Variants in SORCS1 observed in about 807,000 individuals in gnomAD.
SORCS1 encodes VPS10 domain-containing receptor SorCS1.
A neutral mutation model predicts 146.1 loss-of-function variants in SORCS1; 60 were observed. The observed-to-expected ratio is 0.41, with a 90% CI of 0.33 to 0.51. SORCS1 has a LOEUF of 0.51. Among genes scored for constraint, SORCS1 ranks in the 20% least tolerant of loss-of-function variants. The probability of loss-of-function intolerance (pLI) is 0.21; values close to 1 mark genes in which losing one functional copy is unlikely to be tolerated. For synonymous variants in SORCS1, 637 were observed against 584.0 expected, an observed-to-expected ratio of 1.09 and a Z score of -1.31; for missense variants, 1,352 against 1,487.6, an observed-to-expected ratio of 0.91 and a Z score of 1.50.
chr10:106,802,989 A>G (rs903826847), intron 3 of SORCS1, among the ~76,000 whole-genome samples: 1 of 152,200 alleles, frequency 6.6e-6, no homozygotes, highest in Non-Finnish European at 1.5e-5. Flanking sequence ...AAATTATGAC[A>G]GAAAGGAAAG....
At chr10:106,841,196 G>A (rs929413128) in intron 2 of SORCS1, among the ~76,000 whole-genome samples, 1 of 152,122 alleles carries the variant, frequency 6.6e-6, no homozygotes, top group Admixed American at 6.6e-5. Context: ...GTGGCCAGGT[G>A]CAGTGGCTCA....
intron 8 of SORCS1, among the ~76,000 whole-genome samples, chr10:106,701,095 A>G (rs1361651326): frequency 3.3e-5 from 5 of 152,236 alleles, no homozygotes; most frequent in Admixed American, 2.6e-4. Context: ...TGTACACTTC[A>G]GATCATCTCT....
intron 2 of SORCS1, among the ~76,000 whole-genome samples, chr10:106,907,349 C>T (rs187034268): frequency 9.2e-5 from 14 of 151,996 alleles, no homozygotes; most frequent in South Asian, 2.1e-4. Flanking sequence ...CATGAAAATA[C>T]GATTAGTACA....
intron 6 of SORCS1, among the ~76,000 whole-genome samples, chr10:106,723,988 T>A (rs904056248): frequency 1.3e-5 from 2 of 152,194 alleles, no homozygotes; most frequent in Admixed American, 1.3e-4. Flanking sequence ...ATGTACTTTT[T>A]AAATTAATAT....
the SORCS1 span, among the ~76,000 whole-genome samples, chr10:107,178,868 C>T: frequency 4.1e-4 from 63 of 152,114 alleles, no homozygotes; most frequent in South Asian, 8.3e-4. Context: ...CACTCATTGA[C>T]GGACACTTAA....
At chr10:106,973,683 C>T (rs1469313502) in intron 1 of SORCS1, among the ~76,000 whole-genome samples, 1 of 152,064 alleles carries the variant, frequency 6.6e-6, no homozygotes, top group African/African-American at 2.4e-5. Flanking sequence ...ATTTTTTTCC[C>T]CCTTAAATCG....
intron 3 of SORCS1, among the ~76,000 whole-genome samples, chr10:106,821,834 A>C (rs895286768): frequency 1.8e-4 from 27 of 152,038 alleles, no homozygotes; most frequent in Admixed American, 9.2e-4. Context: ...AGGCAGGAGA[A>C]TGGCGTGACC....
chr10:106,701,048 T>G (rs1242661995), intron 8 of SORCS1, among the ~76,000 whole-genome samples: 1 of 152,200 alleles, frequency 6.6e-6, no homozygotes, highest in Non-Finnish European at 1.5e-5. Context: ...TTATATAAAG[T>G]GGTGTAATAT....
intron 18 of SORCS1, among the ~76,000 whole-genome samples, chr10:106,637,080 G>A (rs138267238): frequency 7.3e-4 from 111 of 152,262 alleles, no homozygotes; most frequent in African/African-American, 2.6e-3. Flanking sequence ...GGTAGTGTGA[G>A]TGTTTGACAA....
intron 2 of SORCS1, among the ~76,000 whole-genome samples, chr10:106,916,789 G>A (rs1290624339): frequency 3.3e-5 from 5 of 151,610 alleles, no homozygotes; most frequent in Non-Finnish European, 7.4e-5. Context: ...CCACTCTGTC[G>A]GCCAGGCTGG....
intron 1 of SORCS1, among the ~76,000 whole-genome samples, chr10:107,039,096 G>A (rs1959045506): frequency 6.6e-6 from 1 of 152,138 alleles, no homozygotes; most frequent in African/African-American, 2.4e-5. Flanking sequence ...TTGGGAGGCT[G>A]AGGCGGGTGG....
At chr10:106,940,449 G>A (rs1169534814) in intron 2 of SORCS1, among the ~76,000 whole-genome samples, 2 of 152,160 alleles carry the variant, frequency 1.3e-5, no homozygotes, top group Non-Finnish European at 2.9e-5. Context: ...AATGTTCCTG[G>A]TAAAGGTAAG....
intron 2 of SORCS1, among the ~76,000 whole-genome samples, chr10:106,951,780 T>C (rs768116929): frequency 2.0e-5 from 3 of 152,228 alleles, no homozygotes; most frequent in Non-Finnish European, 2.9e-5. Context: ...CTTGGGGCCA[T>C]GGGTACCTTG....
At chr10:107,159,368 T>C in intron 1 of SORCS1, among the ~76,000 whole-genome samples, 1 of 152,190 alleles carries the variant, frequency 6.6e-6, no homozygotes, top group Non-Finnish European at 1.5e-5. Flanking sequence ...AGTCCATTAG[T>C]GCCATTTTAC....
chr10:107,053,869 C>A (rs929233631), intron 1 of SORCS1, among the ~76,000 whole-genome samples: 4 of 152,142 alleles, frequency 2.6e-5, no homozygotes, highest in African/African-American at 9.7e-5. Flanking sequence ...ATGCACATGC[C>A]TGTCTGGCAA....
chr10:107,125,467 G>A (rs896949822), intron 1 of SORCS1, among the ~76,000 whole-genome samples: 5 of 152,240 alleles, frequency 3.3e-5, no homozygotes, highest in African/African-American at 1.2e-4. Context: ...TCTTAGAAAT[G>A]TCAGGAGCAT....
At chr10:106,617,781 T>C (rs1847472236) in intron 21 of SORCS1, among the ~76,000 whole-genome samples, 1 of 142,192 alleles carries the variant, frequency 7.0e-6, no homozygotes, top group South Asian at 2.5e-4. Flanking sequence ...GTCAAGAATT[T>C]TAAAGTTGAA....
chr10:106,649,183 G>A (rs763447434), intron 18 of SORCS1, among the ~76,000 whole-genome samples: 29 of 152,144 alleles, frequency 1.9e-4, no homozygotes, highest in African/African-American at 4.8e-4. Context: ...CTGTCCTTGC[G>A]ACAAGGTAGA....
chr10:106,641,349 T>C (rs1849058862), intron 18 of SORCS1, among the ~76,000 whole-genome samples: 1 of 152,226 alleles, frequency 6.6e-6, no homozygotes, highest in South Asian at 2.1e-4. Flanking sequence ...CTTGAGTACA[T>C]ACTACTGTAT....
Sources: allele counts gnomAD v4.1 joint callset (sites outside exome capture counted in the v4.1 genomes callset), GRCh38; gene constraint gnomAD v4.1.1; transcripts MANE v1.5; gene names NCBI Gene and HGNC (gene_info 2026-07-23, HGNC 2026-07-21).